SEC14L5: variants seen among roughly 807,000 people sequenced by gnomAD.
The protein encoded by SEC14L5 is SEC14-like protein 5.
Under a neutral mutation model 84.6 loss-of-function variants are expected in SEC14L5, and 96 were observed. That is an observed-to-expected ratio of 1.13 (90% CI 0.96 to 1.34). The LOEUF is 1.34. SEC14L5 is among the 40% of genes most tolerant of loss of function. The probability of loss-of-function intolerance (pLI) is 0.00; values close to 1 mark genes in which losing one functional copy is unlikely to be tolerated. For missense variants in SEC14L5, 1,224 were observed against 942.5 expected, an observed-to-expected ratio of 1.30 and a Z score of -3.91; for synonymous variants, 546 against 383.4, an observed-to-expected ratio of 1.42 and a Z score of -4.95.
intron 15 of SEC14L5, among the ~76,000 whole-genome samples, chr16:5,012,187 T>C (rs1421211614): frequency 6.6e-6 from 1 of 152,098 alleles, no homozygotes; most frequent in Non-Finnish European, 1.5e-5. Context: ...ATTCACTCTT[T>C]GTGAAGCTGC....
Position 5,008,618 on chromosome 16 carries a change from C to T in SEC14L5, c.1770C>T (p.Pro590=), listed in dbSNP as rs762981061. 2 of 1,604,118 alleles carry T rather than the reference C, an allele frequency of 1.2e-6. No individual in the cohort carries two copies. Among genetic ancestry groups the T allele is most frequent in the African/African-American group, 1.3e-5 (1 of 74,114 alleles). ...GGGATTACAGCCGTGTGGAGGCTCC[C>T]CTTGTCTGCCGGGAGGGGGAGAGCA... The part of the protein sequence containing the change: ...LGRDYSRVEA[P]LVCREGESIQ... The change falls in exon 14 of 16, where the codon CCC becomes CCT. Residue 590 remains proline (P), a synonymous_variant. Coordinates refer to ENST00000251170, the MANE Select transcript of SEC14L5 (RefSeq NM_014692.2).
At chr16:4,986,156 T>A (rs1027671965) in intron 2 of SEC14L5, among the ~76,000 whole-genome samples, 1 of 151,760 alleles carries the variant, frequency 6.6e-6, no homozygotes, top group Admixed American at 6.6e-5. Context: ...TTTTTTTTTT[T>A]GAGACAGAGT....
rs1306318020 is a variant in SEC14L5 at position 4,973,220 on chromosome 16, C to G, written c.63+13834C>G. ...CTGTGCTGTGTCTCTGCCCCTCCCCCACGCGCCGCCCTTGTCCTGTCACTG... is the reference window on the plus strand; with the variant it reads ...CTGTGCTGTGTCTCTGCCCCTCCCCGACGCGCCGCCCTTGTCCTGTCACTG... On this transcript the variant is annotated intron_variant, in intron 2 of 15. Transcript: ENST00000251170. 3.3e-5 allele frequency among the ~76,000 whole-genome samples: 5 copies of G among 152,240 alleles called. No homozygotes were observed. In the East Asian group the frequency reaches 9.6e-4, roughly 29 times the overall value.
intron 8 of SEC14L5, among the ~76,000 whole-genome samples, chr16:4,999,091 G>A (rs57724402): frequency 6.6e-6 from 1 of 152,142 alleles, no homozygotes; most frequent in Admixed American, 6.6e-5. Context: ...ATGCCACATT[G>A]TTGCATTTTT....
intron 10 of SEC14L5, among the ~76,000 whole-genome samples, chr16:5,001,886 C>A (rs1955681963): frequency 6.6e-6 from 1 of 152,124 alleles, no homozygotes; most frequent in African/African-American, 2.4e-5. Context: ...AGTCCTCCCA[C>A]CTCAGCCTCC....
chr16:4,958,949 G>A (rs1243473232), intron 1 of SEC14L5, among the ~76,000 whole-genome samples: 1 of 152,048 alleles, frequency 6.6e-6, no homozygotes, highest in Non-Finnish European at 1.5e-5. Context: ...AGAACCGTGG[G>A]AGTGTAAGAA....
intron 2 of SEC14L5, among the ~76,000 whole-genome samples, chr16:4,982,734 A>G (rs1955439943): frequency 6.6e-6 from 1 of 152,198 alleles, no homozygotes; most frequent in South Asian, 2.1e-4. Flanking sequence ...CAGCACCCAC[A>G]GCAGTTTGCT....
At chr16:4,989,327 G>GTTTT (rs5815223) in intron 4 of SEC14L5, among the ~76,000 whole-genome samples, 5 of 136,470 alleles carry the variant, frequency 3.7e-5, no homozygotes, top group Non-Finnish European at 4.8e-5. Context: ...TGTTTGTTTT[G>GTTTT]TTTTTTTTTT....
intron 2 of SEC14L5, among the ~76,000 whole-genome samples, chr16:4,962,179 A>G (rs960174910): frequency 2.0e-5 from 3 of 151,384 alleles, no homozygotes; most frequent in Non-Finnish European, 2.9e-5. Flanking sequence ...AAAAAAAAAA[A>G]AAAGAAAAAG....
At chr16:4,992,853 CAT>C (rs1479291462) in intron 6 of SEC14L5, among the ~76,000 whole-genome samples, 1 of 152,172 alleles carries the variant, frequency 6.6e-6, no homozygotes, top group African/African-American at 2.4e-5. Context: ...TACCCACACA[CAT>C]ATGTGTGTAC....
chr16:5,008,399 G>T (rs367863690), intron 13 of SEC14L5, 22 bp from the exon 14 acceptor site: 2 of 1,574,340 alleles, frequency 1.3e-6, no homozygotes, highest in Admixed American at 1.8e-5. Flanking sequence ...GTGACTCTCA[G>T]ACCTCGCCTG....
intron 2 of SEC14L5, among the ~76,000 whole-genome samples, chr16:4,973,360 G>C (rs1012411609): frequency 6.6e-6 from 1 of 152,240 alleles, no homozygotes; most frequent in Non-Finnish European, 1.5e-5. Context: ...GGCCATCTGG[G>C]TACAGCTGCA....
Position 4,970,704 on chromosome 16 carries a change from C to T in SEC14L5, c.63+11318C>T, listed in dbSNP as rs1268433383. ...TGCACACATGGGTGGCACGGGCTGT[C>T]GTTCTCCCAGTGCCGGAGAGGCCAG... On this transcript the variant is annotated intron_variant, in intron 2 of 15. Coordinates refer to ENST00000251170, the MANE Select transcript of SEC14L5 (RefSeq NM_014692.2). 2.0e-5 allele frequency among the ~76,000 whole-genome samples: 3 copies of T among 152,170 alleles called. 1 individual carries two copies. The highest frequency in any genetic ancestry group is 1.3e-4 in the Admixed American group (2 of 15,276).
chr16:4,995,351 C>T (rs1317172703), intron 6 of SEC14L5, among the ~76,000 whole-genome samples: 2 of 152,226 alleles, frequency 1.3e-5, no homozygotes, highest in Non-Finnish European at 2.9e-5. Context: ...AACATTCCGA[C>T]TACAACCGCC....
chr16:4,995,622 CTCT>C (rs1410314429), intron 6 of SEC14L5, among the ~76,000 whole-genome samples: 51 of 141,808 alleles, frequency 3.6e-4, no homozygotes, highest in Non-Finnish European at 5.7e-4. Context: ...CTCTCTCTCT[CTCT>C]TTTTTTTTTT....
chr16:5,001,255 T>A (rs1340051813), intron 10 of SEC14L5, among the ~76,000 whole-genome samples: 1 of 149,424 alleles, frequency 6.7e-6, no homozygotes, highest in Admixed American at 6.6e-5. Flanking sequence ...CTTTGCTTTT[T>A]TTTTTTTTTT....
chr16:4,999,912 C>T (rs1955656452), intron 8 of SEC14L5, among the ~76,000 whole-genome samples: 3 of 151,864 alleles, frequency 2.0e-5, no homozygotes, highest in Admixed American at 2.0e-4. Context: ...GAGACTCTGT[C>T]TCAAAAACCA....
intron 14 of SEC14L5, among the ~76,000 whole-genome samples, chr16:5,010,409 G>C (rs1955786397): frequency 6.6e-6 from 1 of 152,026 alleles, no homozygotes; most frequent in African/African-American, 2.4e-5. Context: ...ACTTGAACGT[G>C]TAACTGGAAT....
At position 4,974,966 on chromosome 16, in the gene SEC14L5, T is replaced by A. The variant is rs1352683491; in HGVS notation, c.64-12591T>A. Among the ~76,000 whole-genome samples, 5 of 151,874 alleles carry A rather than the reference T, an allele frequency of 3.3e-5. No homozygotes were observed. In the East Asian group the frequency reaches 7.8e-4, roughly 24 times the overall value. ...CTAATTTTTGTATTTTTAGTAAATA[T>A]GGGGTTTCACCATGTTGGCCAGGCT... is the stretch of plus-strand genomic sequence containing the variant. On this transcript the variant is annotated intron_variant, in intron 2 of 15. Transcript: ENST00000251170.
Sources: gnomAD v4.1 joint callset for allele counts (sites outside exome capture counted in the v4.1 genomes callset) on GRCh38, gnomAD v4.1.1 for gene constraint, MANE v1.5 for transcripts, NCBI Gene and HGNC (gene_info 2026-07-23, HGNC 2026-07-21) for gene names.